CHODL: variants seen among roughly 807,000 people sequenced by gnomAD.
The protein encoded by CHODL is transmembrane protein MT75.
CHODL carries 29 observed loss-of-function variants against 34.5 expected under a neutral mutation model. The observed-to-expected ratio is 0.84, with a 90% confidence interval of 0.63 to 1.15. CHODL has a LOEUF of 1.15. Among genes scored for constraint, CHODL ranks in the 50% most tolerant of loss-of-function variants. The pLI, the probability that CHODL is intolerant of heterozygous loss-of-function variation, is 0.00. For missense variants in CHODL, 332 were observed against 332.5 expected, an observed-to-expected ratio of 1.00 and a Z score of 0.01; for synonymous variants, 125 against 116.1, an observed-to-expected ratio of 1.08 and a Z score of -0.49.
intron 2 of CHODL, among the ~76,000 whole-genome samples, chr21:18,140,742 G>C (rs2072790819): frequency 6.6e-6 from 1 of 152,026 alleles, no homozygotes; most frequent in Non-Finnish European, 1.5e-5. Context: ...GGTATGGCTG[G>C]TGGGTTTGTG....
chr21:18,208,219 C>T (rs895125153), intron 2 of CHODL, among the ~76,000 whole-genome samples: 6 of 146,534 alleles, frequency 4.1e-5, no homozygotes, highest in Non-Finnish European at 9.0e-5. Flanking sequence ...AATAGCCTGT[C>T]TTCAAGCTTA....
chr21:18,246,471 C>T (rs2074143076), intron 1 of CHODL, among the ~76,000 whole-genome samples: 1 of 152,136 alleles, frequency 6.6e-6, no homozygotes, highest in Non-Finnish European at 1.5e-5. Context: ...TTGTGATGTT[C>T]TACAGCTTCA....
At chr21:18,236,313 G>A (rs1239761809) in intron 2 of CHODL, among the ~76,000 whole-genome samples, 2 of 152,038 alleles carry the variant, frequency 1.3e-5, no homozygotes, top group African/African-American at 4.8e-5. Flanking sequence ...ATTCAATTAC[G>A]TCCTATAGGG....
At chr21:18,214,820 C>T (rs1173053093) in intron 2 of CHODL, among the ~76,000 whole-genome samples, 1 of 151,992 alleles carries the variant, frequency 6.6e-6, no homozygotes, top group African/African-American at 2.4e-5. Context: ...CCTTATGTCC[C>T]TAACTTACAG....
Position 17,974,494 on chromosome 21 carries a change from AC to A in CHODL, c.-144-53377del, listed in dbSNP as rs567143637. ...ACTATGTTGGCCAGGCTAGTCTTGAACTCCTGACCTCATGATCTGTCTGCCT... is the reference window on the plus strand; with the variant it reads ...ACTATGTTGGCCAGGCTAGTCTTGAATCCTGACCTCATGATCTGTCTGCCT... On this transcript the variant is annotated intron_variant, in intron 1 of 6. Coordinates refer to the CHODL transcript ENST00000400127. Among the ~76,000 whole-genome samples, 675 of 151,058 alleles carry A rather than the reference AC, an allele frequency of 4.5e-3. 6 individuals are homozygous for A. Among genetic ancestry groups the A allele is most frequent in the African/African-American group, 0.015 (636 of 41,078 alleles).
At chr21:18,198,488 A>G (rs895475587) in intron 2 of CHODL, among the ~76,000 whole-genome samples, 6 of 152,190 alleles carry the variant, frequency 3.9e-5, no homozygotes, top group African/African-American at 1.4e-4. Context: ...ATAACATCCT[A>G]TGATACCATA....
chr21:18,002,046 C>T (rs1472188338), intron 1 of CHODL, among the ~76,000 whole-genome samples: 1 of 152,104 alleles, frequency 6.6e-6, no homozygotes, highest in African/African-American at 2.4e-5. Context: ...GTGTCTGTTC[C>T]AGTAACTCAC....
chr21:18,217,539 G>A (rs2073842338), intron 2 of CHODL, among the ~76,000 whole-genome samples: 1 of 151,932 alleles, frequency 6.6e-6, no homozygotes, highest in African/African-American at 2.4e-5. Context: ...GCAGAGGTGG[G>A]GATTATAGGA....
At chr21:18,079,555 A>T (rs972849450) in intron 2 of CHODL, among the ~76,000 whole-genome samples, 1 of 150,154 alleles carries the variant, frequency 6.7e-6, no homozygotes, top group African/African-American at 2.4e-5. Flanking sequence ...TATGTGATAA[A>T]TATAAAACTT....
intron 2 of CHODL, among the ~76,000 whole-genome samples, chr21:18,169,434 C>CT (rs146924561): frequency 0.11 from 15,976 of 148,388 alleles, 915 homozygotes; most frequent in Middle Eastern, 0.16. Context: ...TTTTCTTGAT[C>CT]TTTTTTTTTT....
chr21:18,008,020 A>G (rs1260101166), intron 1 of CHODL, among the ~76,000 whole-genome samples: 57 of 152,190 alleles, frequency 3.7e-4, no homozygotes, highest in Admixed American at 3.7e-3. Flanking sequence ...TTTGTTTTGA[A>G]CAAAACAAAA....
intron 2 of CHODL, among the ~76,000 whole-genome samples, chr21:18,126,248 G>A (rs1375948121): frequency 6.6e-6 from 1 of 152,112 alleles, no homozygotes; most frequent in Non-Finnish European, 1.5e-5. Context: ...ACCAGCAAAA[G>A]GATTATGACT....
rs556018138 is a variant in CHODL at position 18,104,757 on chromosome 21, C to T, written c.-45+76786C>T. On this transcript the variant is annotated intron_variant, in intron 2 of 6. Transcript: ENST00000400127. ...TTTTACAGCCTATTTACCAATTGCT[C>T]TTCCTAATGATTCCAGCAACACATG... Among the ~76,000 whole-genome samples, 8 of 152,318 alleles carry T rather than the reference C, an allele frequency of 5.3e-5. No individual in the cohort carries two copies. The South Asian group carries it at 1.7e-3, about 32-fold the overall frequency.
chr21:18,088,880 G>A (rs1361506845), intron 2 of CHODL, among the ~76,000 whole-genome samples: 1 of 152,120 alleles, frequency 6.6e-6, no homozygotes, highest in African/African-American at 2.4e-5. Flanking sequence ...AGTTAAATAC[G>A]CATGACTGAA....
intron 2 of CHODL, among the ~76,000 whole-genome samples, chr21:18,158,273 C>T (rs1363421400): frequency 6.6e-6 from 1 of 152,100 alleles, no homozygotes; most frequent in East Asian, 1.9e-4. Context: ...TTAAATCATT[C>T]ATCCTTTCTT....
At chr21:18,019,757 G>T (rs796584799) in intron 1 of CHODL, among the ~76,000 whole-genome samples, 1 of 151,890 alleles carries the variant, frequency 6.6e-6, no homozygotes, top group African/African-American at 2.4e-5. Flanking sequence ...CATCTCTTAC[G>T]CACATTACAT....
intron 2 of CHODL, chr21:18,100,009 C>G (rs1257460144): frequency 4.6e-5 from 7 of 151,722 alleles, no homozygotes; most frequent in African/African-American, 1.5e-4. Context: ...CTGTGCTAGA[C>G]TGGATAAATC....
intron 1 of CHODL, among the ~76,000 whole-genome samples, chr21:17,992,780 G>A (rs1050574646): frequency 8.9e-5 from 11 of 123,620 alleles, no homozygotes; most frequent in East Asian, 2.7e-4. Context: ...TCAGCCTCCC[G>A]AGTAGCCGGG....
chr21:18,044,483 A>G (rs779683254), intron 2 of CHODL, among the ~76,000 whole-genome samples: 42 of 152,066 alleles, frequency 2.8e-4, no homozygotes, highest in Non-Finnish European at 5.7e-4. Flanking sequence ...TGTTTTAACT[A>G]ACAACATTGA....
Sources: allele counts gnomAD v4.1 joint callset (sites outside exome capture counted in the v4.1 genomes callset), GRCh38; gene constraint gnomAD v4.1.1; transcripts MANE v1.5; gene names NCBI Gene and HGNC (gene_info 2026-07-23, HGNC 2026-07-21).